The following ARHGEF4 variants were observed in gnomAD, a reference collection of about 807,000 sequenced individuals.
ARHGEF4 encodes the protein APC-stimulated guanine nucleotide exchange factor 1.
In ARHGEF4, 119 loss-of-function variants were observed where a neutral mutation model predicts 162.0. That is an observed-to-expected ratio of 0.73 (90% CI 0.63 to 0.86). ARHGEF4 has a LOEUF of 0.86. Ranked by LOEUF, ARHGEF4 falls within the 40% of genes least tolerant of loss-of-function variation. The pLI is 0.00. For synonymous variants in ARHGEF4, 1,014 were observed against 979.9 expected, an observed-to-expected ratio of 1.03 and a Z score of -0.65; for missense variants, 2,488 against 2,456.0, an observed-to-expected ratio of 1.01 and a Z score of -0.28.
In ARHGEF4 at chr2:131,045,439, G is replaced by C; in HGVS notation, c.5472G>C (p.Lys1824Asn). ...LNASKQQVTGKPKAVGRPCYL... is the reference protein window; with the variant it reads ...LNASKQQVTGNPKAVGRPCYL... ...CCAGCAAGCAGCAGGTCACAGGGAA[G>C]CCCAAAGGTAGGCGGACAGCAGCCC... Residue 1824 changes from lysine (K) to asparagine (N), a missense_variant, in exon 13 of 14, where the codon AAG becomes AAC. Physicochemically the swap from Lys to Asn is moderately conservative, Grantham distance 94. Around this residue, in one of 6 missense-constraint regions of ARHGEF4, gnomAD observed 415 missense variants for 512.4 expected, o/e 0.81. Transcript: ENST00000409359. The C allele has an allele frequency of 6.2e-7, 1 of 1,613,640 alleles. No homozygotes were observed. Among genetic ancestry groups the C allele is most frequent in the Non-Finnish European group, 8.5e-7 (1 of 1,180,010 alleles).
At chr2:130,848,318 A>G (rs1236981090) in intron 1 of ARHGEF4, among the ~76,000 whole-genome samples, 1 of 152,182 alleles carries the variant, frequency 6.6e-6, no homozygotes, top group African/African-American at 2.4e-5. Context: ...ACTCGACCCC[A>G]AGGCCAGTGT....
At chr2:130,952,890 T>C (rs1684040612) in intron 4 of ARHGEF4, among the ~76,000 whole-genome samples, 1 of 152,052 alleles carries the variant, frequency 6.6e-6, no homozygotes, top group Admixed American at 6.6e-5. Flanking sequence ...AAACCACTGC[T>C]CAATGAAATA....
chr2:130,845,347 A>C (rs1342720713), intron 1 of ARHGEF4, among the ~76,000 whole-genome samples: 1 of 151,890 alleles, frequency 6.6e-6, no homozygotes, highest in African/African-American at 2.4e-5. Context: ...CTCTACAAAA[A>C]TGTTTTTAAA....
At chr2:130,962,095 T>A (rs1000658030) in intron 4 of ARHGEF4, among the ~76,000 whole-genome samples, 3 of 151,942 alleles carry the variant, frequency 2.0e-5, no homozygotes, top group Non-Finnish European at 4.4e-5. Flanking sequence ...AAAAATTAGC[T>A]GGGCATGGTG....
intron 5 of ARHGEF4, among the ~76,000 whole-genome samples, chr2:131,036,610 A>AGG (rs1469891684): frequency 1.3e-5 from 2 of 152,232 alleles, no homozygotes; most frequent in African/African-American, 4.8e-5. Context: ...TCCCACCTGC[A>AGG]GGGACAGGCA....
chr2:130,927,121 A>T (rs1203672992), intron 2 of ARHGEF4, among the ~76,000 whole-genome samples: 2 of 152,032 alleles, frequency 1.3e-5, no homozygotes, highest in Non-Finnish European at 2.9e-5. Context: ...CTTTAGATTT[A>T]GGCAGTTTTT....
intron 1 of ARHGEF4, among the ~76,000 whole-genome samples, chr2:130,865,704 T>TTTTGTTTG (rs143950880): frequency 0.034 from 5,234 of 151,728 alleles, 169 homozygotes; most frequent in East Asian, 0.098. Flanking sequence ...CAAAGATAGG[T>TTTTGTTTG]TTTGTTTGTT....
intron 4 of ARHGEF4, among the ~76,000 whole-genome samples, chr2:130,962,954 C>T (rs932261506): frequency 6.6e-6 from 1 of 152,184 alleles, no homozygotes; most frequent in Non-Finnish European, 1.5e-5. Context: ...CATATCCTGA[C>T]TTGTCACCTT....
chr2:131,009,452 C>T (rs1223501316), intron 4 of ARHGEF4, among the ~76,000 whole-genome samples: 1 of 152,142 alleles, frequency 6.6e-6, no homozygotes, highest in Non-Finnish European at 1.5e-5. Context: ...ATTATGTCTT[C>T]AGAATTGTTT....
chr2:130,893,707 G>A (rs1679992826), intron 1 of ARHGEF4, among the ~76,000 whole-genome samples: 1 of 152,194 alleles, frequency 6.6e-6, no homozygotes. Flanking sequence ...GTTGAACAAG[G>A]AGGAGAGCCT....
chr2:130,886,870 G>A (rs1425688162), intron 1 of ARHGEF4, among the ~76,000 whole-genome samples: 1 of 151,476 alleles, frequency 6.6e-6, no homozygotes, highest in African/African-American at 2.4e-5. Flanking sequence ...TATACAGTGT[G>A]TCCAGCAGCA....
intron 4 of ARHGEF4, among the ~76,000 whole-genome samples, chr2:131,005,419 C>A (rs191689989): frequency 1.3e-5 from 2 of 152,206 alleles, no homozygotes; most frequent in African/African-American, 2.4e-5. Flanking sequence ...ACAGCCACTC[C>A]CTGCCGTCCT....
At chr2:130,901,832 T>C (rs1355137856) in intron 1 of ARHGEF4, among the ~76,000 whole-genome samples, 1 of 152,126 alleles carries the variant, frequency 6.6e-6, no homozygotes, top group Non-Finnish European at 1.5e-5. Context: ...GAGTCCGTGT[T>C]CTGAAAGAAC....
chr2:130,980,551 AAAGT>A (rs1256360790), intron 4 of ARHGEF4, among the ~76,000 whole-genome samples: 1 of 152,230 alleles, frequency 6.6e-6, no homozygotes, highest in Non-Finnish European at 1.5e-5. Flanking sequence ...AAACAGGGAG[AAAGT>A]AAGAATAAGC....
intron 4 of ARHGEF4, among the ~76,000 whole-genome samples, chr2:130,980,759 A>G (rs1220628694): frequency 4.6e-5 from 7 of 152,250 alleles, no homozygotes; most frequent in African/African-American, 9.6e-5. Flanking sequence ...TTGAGATCAC[A>G]AATCACCAGG....
At chr2:130,951,810 T>C (rs945821013) in intron 4 of ARHGEF4, among the ~76,000 whole-genome samples, 2 of 152,182 alleles carry the variant, frequency 1.3e-5, no homozygotes, top group African/African-American at 4.8e-5. Flanking sequence ...ATTACTCCTT[T>C]ATAGCTCTAT....
chr2:130,891,486 G>A (rs1042175028), intron 1 of ARHGEF4, among the ~76,000 whole-genome samples: 1 of 152,170 alleles, frequency 6.6e-6, no homozygotes, highest in African/African-American at 2.4e-5. Context: ...TGCCATTGTA[G>A]CCTGTCTTAG....
At chr2:130,839,788 C>G (rs1680480242) in intron 1 of ARHGEF4, among the ~76,000 whole-genome samples, 1 of 152,172 alleles carries the variant, frequency 6.6e-6, no homozygotes, top group South Asian at 2.1e-4. Flanking sequence ...TTCCAGACAG[C>G]TGGACCCCCT....
At chr2:130,840,724 G>A (rs1558993485) in intron 1 of ARHGEF4, among the ~76,000 whole-genome samples, 1 of 152,192 alleles carries the variant, frequency 6.6e-6, no homozygotes, top group African/African-American at 2.4e-5. Flanking sequence ...GCCTGCATGC[G>A]CCACTGCCTC....
Sources: gnomAD v4.1 joint callset for allele counts (sites outside exome capture counted in the v4.1 genomes callset) on GRCh38, gnomAD v4.1.1 for gene constraint, gnomAD v4.1.1 regional missense constraint, MANE v1.5 for transcripts, NCBI Gene and HGNC (gene_info 2026-07-23, HGNC 2026-07-21) for gene names.